RALYL: variants seen among roughly 807,000 people sequenced by gnomAD.
RALYL encodes the protein RNA-binding Raly-like protein.
In RALYL, 29 loss-of-function variants were observed where a neutral mutation model predicts 35.1. That is an observed-to-expected ratio of 0.83 (90% CI 0.61 to 1.13). The LOEUF is 1.13. Among genes scored for constraint, RALYL ranks in the 50% most tolerant of loss-of-function variants. The pLI is 0.00. For synonymous variants in RALYL, 120 were observed against 127.6 expected (o/e 0.94, Z 0.40); for missense variants, 359 against 360.4 (o/e 1.00, Z 0.03).
At chr8:84,226,926 T>A (rs915416833) in intron 1 of RALYL, among the ~76,000 whole-genome samples, 2 of 152,054 alleles carry the variant, frequency 1.3e-5, no homozygotes, top group Non-Finnish European at 2.9e-5. Context: ...GTGTTATTAG[T>A]GAATTAATGG....
intron 1 of RALYL, among the ~76,000 whole-genome samples, chr8:84,453,003 T>C (rs1376530220): frequency 2.0e-5 from 3 of 151,982 alleles, no homozygotes. Flanking sequence ...CAGTATTTCC[T>C]ACTGCGTCTC....
chr8:84,396,392 T>C (rs1861766839), intron 1 of RALYL, among the ~76,000 whole-genome samples: 1 of 152,134 alleles, frequency 6.6e-6, no homozygotes, highest in Admixed American at 6.6e-5. Flanking sequence ...TTTCAACCAG[T>C]AATGTTATTG....
intron 2 of RALYL, among the ~76,000 whole-genome samples, chr8:84,657,411 G>A (rs186684383): frequency 6.6e-6 from 1 of 152,238 alleles, no homozygotes; most frequent in East Asian, 1.9e-4. Flanking sequence ...CAGAATCCAA[G>A]TCTTACTCTC....
At chr8:84,728,440 T>C (rs1003576887) in intron 2 of RALYL, among the ~76,000 whole-genome samples, 2 of 151,436 alleles carry the variant, frequency 1.3e-5, no homozygotes, top group African/African-American at 2.4e-5. Flanking sequence ...TTCACTCTGA[T>C]GGTAGTTTCT....
At chr8:84,569,459 GT>G (rs1807375809) in intron 2 of RALYL, among the ~76,000 whole-genome samples, 1 of 151,634 alleles carries the variant, frequency 6.6e-6, no homozygotes, top group Admixed American at 6.6e-5. Context: ...GATGTGTTGA[GT>G]TTTTTGTAGA....
At chr8:84,439,889 T>C (rs945062991) in intron 1 of RALYL, among the ~76,000 whole-genome samples, 4 of 152,118 alleles carry the variant, frequency 2.6e-5, no homozygotes, top group Admixed American at 1.3e-4. Context: ...AATCCTTTGC[T>C]CATGCATGTC....
intron 1 of RALYL, among the ~76,000 whole-genome samples, chr8:84,290,115 T>C (rs1450678174): frequency 6.6e-6 from 1 of 152,196 alleles, no homozygotes; most frequent in Non-Finnish European, 1.5e-5. Flanking sequence ...TATTTTACTG[T>C]ATACATCAAA....
chr8:84,797,697 G>A (rs1822270114), intron 3 of RALYL, among the ~76,000 whole-genome samples: 3 of 152,126 alleles, frequency 2.0e-5, no homozygotes, highest in African/African-American at 7.2e-5. Context: ...CTAAAGGGTA[G>A]ACAAACAAGA....
At chr8:84,629,015 A>T (rs938766829) in intron 2 of RALYL, among the ~76,000 whole-genome samples, 1 of 152,036 alleles carries the variant, frequency 6.6e-6, no homozygotes, top group African/African-American at 2.4e-5. Flanking sequence ...TGACTCAGCA[A>T]AAAGCACAGC....
intron 1 of RALYL, among the ~76,000 whole-genome samples, chr8:84,419,163 C>T (rs546365995): frequency 1.5e-4 from 23 of 152,148 alleles, no homozygotes; most frequent in South Asian, 6.2e-4. Flanking sequence ...CTATTCCCTC[C>T]AGCCATGCTA....
intron 2 of RALYL, among the ~76,000 whole-genome samples, chr8:84,693,654 G>C (rs775738986): frequency 6.6e-6 from 1 of 151,772 alleles, no homozygotes; most frequent in Non-Finnish European, 1.5e-5. Flanking sequence ...CCTGACAAAG[G>C]CACTACAAGA....
intron 1 of RALYL, among the ~76,000 whole-genome samples, chr8:84,253,040 A>G (rs1312764043): frequency 6.6e-6 from 1 of 151,790 alleles, no homozygotes; most frequent in Non-Finnish European, 1.5e-5. Flanking sequence ...TGTTTTTGCC[A>G]TTGTACTTAT....
rs566653080 is a variant in RALYL, at chr8:84,658,910, C to T, written c.257-115669C>T. On this transcript the variant is annotated intron_variant, in intron 2 of 8. Transcript: ENST00000521268. ...TCAGTTTGCGGCTGGATATGGCTGC[C>T]GTGAAAACACAAGGGCTCTCTAATA... Among the ~76,000 whole-genome samples the T allele has an allele frequency of 9.9e-5, 15 of 151,896 alleles. No individual in the cohort carries two copies. In the South Asian group the frequency reaches 2.7e-3, roughly 27 times the overall value.
In RALYL at chr8:84,670,304, C is replaced by T. The variant is rs188141450; in HGVS notation, c.257-104275C>T. ...TTCCCACTTGAGGAGTTACACAACT[C>T]TTGCTGCTGGACATTCAACTCATAT... is the stretch of plus-strand genomic sequence containing the variant. On this transcript the variant is annotated intron_variant, in intron 2 of 8. Coordinates refer to ENST00000521268, the MANE Select transcript of RALYL (RefSeq NM_173848.7). Among the ~76,000 whole-genome samples the T allele has an allele frequency of 1.7e-3, 266 of 152,260 alleles. 1 individual carries two copies. Among genetic ancestry groups the T allele is most frequent in the African/African-American group, 6.0e-3 (251 of 41,544 alleles).
At position 84,648,332 on chromosome 8, in the gene RALYL, C is replaced by G. The variant is rs77831157; in HGVS notation, c.256+118755C>G. Among the ~76,000 whole-genome samples, 170 of 152,168 alleles carry G rather than the reference C, an allele frequency of 1.1e-3. 4 individuals carry two copies. In the East Asian group the frequency reaches 0.031, roughly 28 times the overall value. On this transcript the variant is annotated intron_variant, in intron 2 of 8. Coordinates refer to ENST00000521268, the MANE Select transcript of RALYL (RefSeq NM_173848.7). ...TCAACTGCTGTCAGCATCCATGGCT[C>G]AAGCTCCCCATCATAAACAAAAAAT...
At position 84,347,701 on chromosome 8, in the gene RALYL, CTG is replaced by C. The variant is rs542738548; in HGVS notation, c.-24+163279_-24+163280del. 1.1e-3 allele frequency among the ~76,000 whole-genome samples: 162 copies of C among 152,220 alleles called. 1 individual carries two copies. Among genetic ancestry groups the C allele is most frequent in the Admixed American group, 3.0e-3 (46 of 15,272 alleles). ...GCAGACAAAATAAAATATGCATAAACTGTATCTGAACATTTTAGTCCTCTAAT... is the reference window on the plus strand; with the variant it reads ...GCAGACAAAATAAAATATGCATAAACTATCTGAACATTTTAGTCCTCTAAT... On this transcript the variant is annotated intron_variant, in intron 1 of 8. Coordinates refer to ENST00000521268, the MANE Select transcript of RALYL (RefSeq NM_173848.7).
At chr8:84,187,834 C>T (rs1244835233) in intron 1 of RALYL, among the ~76,000 whole-genome samples, 1 of 152,026 alleles carries the variant, frequency 6.6e-6, no homozygotes, top group Non-Finnish European at 1.5e-5. Context: ...AGGTCTGTTG[C>T]GTTTTTGCAA....
intron 2 of RALYL, among the ~76,000 whole-genome samples, chr8:84,705,139 C>T (rs1376284210): frequency 6.6e-6 from 1 of 152,184 alleles, no homozygotes; most frequent in Non-Finnish European, 1.5e-5. Context: ...TCCTGGGCTT[C>T]TGCTGAATGC....
chr8:84,579,759 T>C (rs1181993466), intron 2 of RALYL, among the ~76,000 whole-genome samples: 1 of 152,236 alleles, frequency 6.6e-6, no homozygotes, highest in East Asian at 1.9e-4. Context: ...ATAAAAATTA[T>C]TAATCAGATT....
Sources: allele counts gnomAD v4.1 joint callset (sites outside exome capture counted in the v4.1 genomes callset), GRCh38; gene constraint gnomAD v4.1.1; transcripts MANE v1.5; gene names NCBI Gene and HGNC (gene_info 2026-07-23, HGNC 2026-07-21).